SCFD2: variants seen among roughly 807,000 people sequenced by gnomAD.
SCFD2 encodes sec1 family domain containing 2.
In SCFD2, 54 loss-of-function variants were observed where a neutral mutation model predicts 58.9. The ratio of observed to expected loss-of-function variants is 0.92; its 90% CI spans 0.74 to 1.15. The LOEUF (loss-of-function observed/expected upper bound fraction) is 1.15. Among genes scored for constraint, SCFD2 ranks in the 50% most tolerant of loss-of-function variants. SCFD2 has a pLI of 0.00. For missense variants in SCFD2, 805 were observed against 836.6 expected, an observed-to-expected ratio of 0.96 and a Z score of 0.47; for synonymous variants, 321 against 335.9, an observed-to-expected ratio of 0.96 and a Z score of 0.49.
At chr4:53,003,715 A>G (rs575641942) in intron 5 of SCFD2, among the ~76,000 whole-genome samples, 7 of 152,352 alleles carry the variant, frequency 4.6e-5, no homozygotes, top group Middle Eastern at 3.4e-3. Flanking sequence ...AGACAGAAAC[A>G]GGTGATAGGA....
intron 5 of SCFD2, among the ~76,000 whole-genome samples, chr4:53,117,234 C>G (rs1220364930): frequency 1.3e-5 from 2 of 152,184 alleles, no homozygotes; most frequent in Non-Finnish European, 2.9e-5. Flanking sequence ...TAACCTACCA[C>G]TTCCTGTGAT....
chr4:53,073,790 C>T (rs1464381528), intron 5 of SCFD2, among the ~76,000 whole-genome samples: 1 of 151,958 alleles, frequency 6.6e-6, no homozygotes, highest in African/African-American at 2.4e-5. Context: ...ATTACATATG[C>T]AATAGAATTA....
chr4:53,292,374 A>G (rs1188745691), intron 3 of SCFD2, among the ~76,000 whole-genome samples: 1 of 152,212 alleles, frequency 6.6e-6, no homozygotes, highest in East Asian at 1.9e-4. Flanking sequence ...AACCAACCAC[A>G]TTAAAAAGTG....
At chr4:52,934,565 A>C (rs1431834298) in intron 5 of SCFD2, among the ~76,000 whole-genome samples, 2 of 152,204 alleles carry the variant, frequency 1.3e-5, no homozygotes. Context: ...TTAGGCAGGA[A>C]GCCTCTAGGA....
At chr4:53,070,325 G>A (rs1723779408) in intron 5 of SCFD2, among the ~76,000 whole-genome samples, 1 of 151,958 alleles carries the variant, frequency 6.6e-6, no homozygotes, top group African/African-American at 2.4e-5. Context: ...TCAGATGATT[G>A]TACAAAGCAA....
intron 4 of SCFD2, among the ~76,000 whole-genome samples, chr4:53,229,444 C>T (rs372531962): frequency 6.6e-6 from 1 of 152,278 alleles, no homozygotes; most frequent in Non-Finnish European, 1.5e-5. Context: ...TGGAACAGAA[C>T]AGAGACCTCA....
chr4:53,134,375 A>T (rs1368333859), intron 5 of SCFD2, among the ~76,000 whole-genome samples: 1 of 152,246 alleles, frequency 6.6e-6, no homozygotes, highest in African/African-American at 2.4e-5. Context: ...ATTTAAAAAA[A>T]AAACAGTGCT....
At chr4:53,262,034 C>G (rs1047689406) in intron 4 of SCFD2, among the ~76,000 whole-genome samples, 2 of 151,948 alleles carry the variant, frequency 1.3e-5, no homozygotes, top group Admixed American at 6.6e-5. Context: ...ACTGCTGTTG[C>G]TTTAAGGTTT....
chr4:52,953,146 G>A (rs1178123929), intron 5 of SCFD2, among the ~76,000 whole-genome samples: 6 of 152,188 alleles, frequency 3.9e-5, no homozygotes, highest in African/African-American at 1.2e-4. Context: ...GTACTACTCG[G>A]TGCATTACCT....
chr4:53,129,891 T>C (rs1359637917), intron 5 of SCFD2, among the ~76,000 whole-genome samples: 1 of 152,186 alleles, frequency 6.6e-6, no homozygotes, highest in South Asian at 2.1e-4. Context: ...TACCTTCACC[T>C]GGAAAGCATA....
intron 4 of SCFD2, among the ~76,000 whole-genome samples, chr4:53,173,030 A>G (rs1342540532): frequency 6.6e-6 from 1 of 152,102 alleles, no homozygotes; most frequent in African/African-American, 2.4e-5. Context: ...AGGTGCTTCA[A>G]TGTTAGGTAC....
intron 4 of SCFD2, among the ~76,000 whole-genome samples, chr4:53,163,808 T>C (rs1181053924): frequency 6.6e-6 from 1 of 152,174 alleles, no homozygotes; most frequent in African/African-American, 2.4e-5. Context: ...GTTAAATTTC[T>C]GGCTTGATGG....
chr4:53,222,483 C>T (rs931089632), intron 4 of SCFD2, among the ~76,000 whole-genome samples: 2 of 152,146 alleles, frequency 1.3e-5, no homozygotes, highest in Non-Finnish European at 2.9e-5. Flanking sequence ...TAAATATTTG[C>T]TAATAATATC....
chr4:53,290,369 A>C (rs1362509507), intron 3 of SCFD2, among the ~76,000 whole-genome samples: 1 of 152,142 alleles, frequency 6.6e-6, no homozygotes, highest in Non-Finnish European at 1.5e-5. Flanking sequence ...CATGCTCCTG[A>C]ACAAACATGG....
chr4:53,309,081 C>T (rs977359361), intron 3 of SCFD2, among the ~76,000 whole-genome samples: 1 of 151,460 alleles, frequency 6.6e-6, no homozygotes, highest in African/African-American at 2.4e-5. Context: ...TGCAGTGAGC[C>T]GAGATCACGC....
chr4:53,072,188 T>A (rs1723835082), intron 5 of SCFD2, among the ~76,000 whole-genome samples: 1 of 152,088 alleles, frequency 6.6e-6, no homozygotes, highest in Non-Finnish European at 1.5e-5. Flanking sequence ...GAGGCCCAGA[T>A]GAGAGACAAA....
chr4:53,188,418 GGT>G (rs56120914), intron 4 of SCFD2, among the ~76,000 whole-genome samples: 18,526 of 143,252 alleles, frequency 0.13, 1,152 homozygotes, highest in East Asian at 0.19. Flanking sequence ...CTTCAAAACT[GGT>G]GTGTGTGTGT....
intron 5 of SCFD2, among the ~76,000 whole-genome samples, chr4:52,986,923 A>G (rs1721509503): frequency 6.6e-6 from 1 of 152,216 alleles, no homozygotes; most frequent in Non-Finnish European, 1.5e-5. Flanking sequence ...GAACATTTTT[A>G]TCTATAAAAT....
At chr4:53,211,846 C>A (rs1248601025) in intron 4 of SCFD2, among the ~76,000 whole-genome samples, 2 of 152,010 alleles carry the variant, frequency 1.3e-5, no homozygotes, top group African/African-American at 2.4e-5. Flanking sequence ...TAAATATAAT[C>A]CATTTAAACA....
Sources: allele counts gnomAD v4.1 joint callset (sites outside exome capture counted in the v4.1 genomes callset), GRCh38; gene constraint gnomAD v4.1.1; transcripts MANE v1.5; gene names NCBI Gene and HGNC (gene_info 2026-07-23, HGNC 2026-07-21).